Variants in SH3TC2 observed in about 807,000 individuals in gnomAD.
The protein encoded by SH3TC2 is SH3 domain and tetratricopeptide repeats 2.
Under a neutral mutation model 124.5 loss-of-function variants are expected in SH3TC2, and 87 were observed. That is an observed-to-expected ratio of 0.70 (90% confidence interval 0.59 to 0.84). The LOEUF (loss-of-function observed/expected upper bound fraction) is 0.84, where lower values mean the gene tolerates loss of function less well. Among genes scored for constraint, SH3TC2 ranks in the 40% least tolerant of loss-of-function variants. SH3TC2 has a pLI of 0.00. For missense variants in SH3TC2, 1,536 were observed against 1,566.4 expected, an observed-to-expected ratio of 0.98 and a Z score of 0.33; for synonymous variants, 634 against 628.5, an observed-to-expected ratio of 1.01 and a Z score of -0.13.
At position 149,001,729 on chromosome 5, in the gene SH3TC2, A is replaced by G. The variant is rs886060180; in HGVS notation, c.*2982T>C. On this transcript the variant is annotated 3_prime_UTR_variant, in exon 17 of 17. Transcript: ENST00000515425. ...ACCCTTGTCTTTGGAAACATGCTAA[A>G]CATTTTTATAACTGACCTGGTTATG... 7.9e-5 allele frequency: 12 copies of G among 152,232 alleles called. No homozygotes were observed. Among genetic ancestry groups the G allele is most frequent in the Non-Finnish European group, 1.6e-4 (11 of 68,044 alleles). The allele number at this position is 152,232 out of a possible 1,614,324, so 9.4% of individuals were successfully genotyped here. A position where few individuals can be genotyped will look rare whatever the true frequency, so the allele number is the denominator to read the frequency against.
rs544487653 is a variant in SH3TC2, at chr5:148,991,293, C to A, written c.*13418G>T. Among the ~76,000 whole-genome samples the A allele has an allele frequency of 1.4e-4, 22 of 152,318 alleles. No individual in the cohort carries two copies. Among genetic ancestry groups the A allele is most frequent in the Admixed American group, 9.1e-4 (14 of 15,306 alleles). On this transcript the variant is annotated 3_prime_UTR_variant, in exon 17 of 17. Transcript: ENST00000515425. Reference sequence around the variant, plus strand: ...CTTCCTGCAGCTGAAACCAGCAGGGCAAAGAAGGTGCTTTCACTAGGGTAA... The same window carrying A: ...CTTCCTGCAGCTGAAACCAGCAGGGAAAAGAAGGTGCTTTCACTAGGGTAA...
At chr5:149,050,170 C>G (rs1318229190) in intron 2 of SH3TC2, among the ~76,000 whole-genome samples, 1 of 152,130 alleles carries the variant, frequency 6.6e-6, no homozygotes, top group Non-Finnish European at 1.5e-5. Flanking sequence ...AGATCTCAAC[C>G]GTGAGAACTG....
At chr5:149,031,163 A>G (rs892602760) in intron 9 of SH3TC2, among the ~76,000 whole-genome samples, 2 of 152,142 alleles carry the variant, frequency 1.3e-5, no homozygotes, top group Non-Finnish European at 2.9e-5. Context: ...ACAAGAAATC[A>G]TCTCTTAAGG....
At position 149,044,352 on chromosome 5, in the gene SH3TC2, T is replaced by C. The variant is rs1754421615; in HGVS notation, c.385+181A>G. ...TTCTTCATACGGCATTTTAGAATAA[T>C]AGTTAATATTTGCCTTAGATTTAGT... On this transcript the variant is annotated intron_variant, in intron 4 of 16. Transcript: ENST00000515425. The C allele has an allele frequency of 5.2e-6, 3 of 580,632 alleles. No homozygotes were observed. In the East Asian group the frequency reaches 9.0e-5, roughly 17 times the overall value. 36.0% of individuals were successfully genotyped at this position (580,632 alleles called of 1,614,324 possible).
chr5:149,018,285 C>T (rs1753908980), intron 12 of SH3TC2, among the ~76,000 whole-genome samples: 1 of 152,146 alleles, frequency 6.6e-6, no homozygotes, highest in African/African-American at 2.4e-5. Context: ...CAACCCCCCG[C>T]CCCCATGCCC....
rs1191959839 is a variant in SH3TC2, at chr5:148,984,909, T to A, written c.*19802A>T. On this transcript the variant is annotated 3_prime_UTR_variant, in exon 17 of 17. Transcript: ENST00000515425. ...AAGTGAGCAATGATGCCAAAAAGCA[T>A]AATGGGTTATAGAGGTACCATTTAC... is the stretch of plus-strand genomic sequence containing the variant. 6.6e-6 allele frequency among the ~76,000 whole-genome samples: 1 copy of A among 152,174 alleles called. No individual in the cohort carries two copies. Among genetic ancestry groups the A allele is most frequent in the Non-Finnish European group, 1.5e-5 (1 of 68,028 alleles).
Position 149,026,964 on chromosome 5 carries a change from A to C in SH3TC2, c.2768T>G (p.Phe923Cys). 6.2e-7 allele frequency: 1 copy of C among 1,614,186 alleles called. No homozygotes were observed. The highest frequency in any genetic ancestry group is 8.5e-7 in the Non-Finnish European group (1 of 1,180,040). The change falls in exon 11 of 17, where the codon TTT (phenylalanine) becomes TGT (cysteine). Residue 923 changes from phenylalanine to cysteine, a missense_variant. By Grantham distance (205) the Phe-to-Cys change is radical. Coordinates refer to ENST00000515425, the MANE Select transcript of SH3TC2 (RefSeq NM_024577.4). ...CACCAGAACTTGGGCCAACCAGAGAAACACCTGTACTAATTCCATGTCTGT... is the reference window on the plus strand; with the variant it reads ...CACCAGAACTTGGGCCAACCAGAGACACACCTGTACTAATTCCATGTCTGT... ...KETDMELVQV[F>C]LWLAQVLVSG... is the part of the protein sequence containing the mutation.
At chr5:149,005,128 G>A (rs1375692993) in intron 16 of SH3TC2, among the ~76,000 whole-genome samples, 1 of 152,160 alleles carries the variant, frequency 6.6e-6, no homozygotes, top group Non-Finnish European at 1.5e-5. Context: ...AGGCACAGAG[G>A]TGGTCCCTTA....
In SH3TC2 at chr5:149,027,929, G is replaced by A. The variant is rs1754102608; in HGVS notation, c.1803C>T (p.Cys601=). The A allele has an allele frequency of 1.2e-6, 2 of 1,613,978 alleles. No individual in the cohort carries two copies. The highest frequency in any genetic ancestry group is 1.6e-4 in the Middle Eastern group (1 of 6,084). Residue 601 remains cysteine (C), a synonymous_variant, in exon 11 of 17, where the codon TGC becomes TGT. Coordinates refer to ENST00000515425, the MANE Select transcript of SH3TC2 (RefSeq NM_024577.4). ...TGGCACTAGACTCACGGTCAGGCAG[G>A]CAGGCCAGCAGGGCACCTGCCTTTT... is the stretch of plus-strand genomic sequence containing the variant. The part of the protein sequence containing the change: ...LLEKAGALLA[C]LPDRESSAKH...
rs1403171102 is a variant in SH3TC2, at chr5:149,008,976, C to G, written c.3353G>C (p.Arg1118Thr). The change falls in exon 15 of 17, where the codon AGG becomes ACG. Residue 1118 changes from arginine (R) to threonine (T), a missense_variant. By Grantham distance (71) the Arg-to-Thr change is moderately conservative (BLOSUM62 -1). Around this residue, in one of 3 missense-constraint regions of SH3TC2, gnomAD observed 426 missense variants for 443.5 expected, o/e 0.96. Transcript: ENST00000515425. ...YRAGAVPLAR[R>T]LKAVRTELRI... ...GAGCTCAGTTCTCACCGCCTTCAAC[C>G]TCCTTGCTAAAGGAACAGCTCCAGC... is the stretch of plus-strand genomic sequence containing the variant. 6.2e-7 allele frequency: 1 copy of G among 1,614,242 alleles called. No homozygotes were observed. The highest frequency in any genetic ancestry group is 2.2e-5 in the East Asian group (1 of 44,886).
At chr5:149,022,423 C>A (rs993646507) in intron 12 of SH3TC2, among the ~76,000 whole-genome samples, 6 of 152,136 alleles carry the variant, frequency 3.9e-5, no homozygotes, top group Non-Finnish European at 5.9e-5. Context: ...ACATTGGAAC[C>A]CTTATGCCTT....
intron 1 of SH3TC2, among the ~76,000 whole-genome samples, chr5:149,054,606 C>T (rs139744938): frequency 6.6e-6 from 1 of 152,274 alleles, no homozygotes; most frequent in African/African-American, 2.4e-5. Flanking sequence ...AACTGCTTGA[C>T]ATCATTTAGA....
Position 148,990,690 on chromosome 5 carries a change from A to T in SH3TC2, c.*14021T>A, listed in dbSNP as rs1322037385. ...TGTTGTGAACACAGAAAATGAAATC[A>T]TGCATTCAAAGAATTTAATCCAATG... is the stretch of plus-strand genomic sequence containing the variant. On this transcript the variant is annotated 3_prime_UTR_variant, in exon 17 of 17. Transcript: ENST00000515425. Among the ~76,000 whole-genome samples, 1 of 152,242 alleles carries T rather than the reference A, an allele frequency of 6.6e-6. No homozygotes were observed. The highest frequency in any genetic ancestry group is 2.4e-5 in the African/African-American group (1 of 41,456).
chr5:149,015,828 A>G (rs1367676810), intron 12 of SH3TC2, among the ~76,000 whole-genome samples: 2 of 152,166 alleles, frequency 1.3e-5, no homozygotes, highest in African/African-American at 4.8e-5. Context: ...GATGACAAAG[A>G]TGGCCAAAAA....
rs1156823077 is a variant in SH3TC2, at chr5:149,028,481, T to C, written c.1251A>G (p.Arg417=). 3 of 1,613,262 alleles carry C rather than the reference T, an allele frequency of 1.9e-6. No individual in the cohort carries two copies. Among genetic ancestry groups the C allele is most frequent in the South Asian group, 2.2e-5 (2 of 91,008 alleles). Residue 417 remains arginine (R), a synonymous_variant, in exon 11 of 17, where the codon AGA becomes AGG. Transcript: ENST00000515425. Reference sequence around the variant, plus strand: ...TGGAGTCCTCAGAGCTGCTGGACTGTCTGGACCCCACGGCCTGATGCTCCT... The same window carrying C: ...TGGAGTCCTCAGAGCTGCTGGACTGCCTGGACCCCACGGCCTGATGCTCCT... ...AWEEHQAVGS[R]QSSSSEDSSL...
rs1250850194 is a variant in SH3TC2 at position 149,038,427 on chromosome 5, T to C, written c.869A>G (p.Tyr290Cys). The change falls in exon 8 of 17, where the codon TAC becomes TGC. Residue 290 changes from tyrosine to cysteine, a missense_variant. By Grantham distance (194) the Tyr-to-Cys change is radical. Transcript: ENST00000515425. ...EPGEKDELNFYQGESIEIIGF... is the reference protein window; with the variant it reads ...EPGEKDELNFCQGESIEIIGF... ...GATGATCTCAATGCTTTCTCCCTGG[T>C]AGAAATTCAGTTCATCCTTTTCTCC... is the stretch of plus-strand genomic sequence containing the variant. 6.2e-7 allele frequency: 1 copy of C among 1,614,170 alleles called. No homozygotes were observed. Among genetic ancestry groups the C allele is most frequent in the African/African-American group, 1.3e-5 (1 of 75,034 alleles).
Position 149,031,576 on chromosome 5 carries a change from G to A in SH3TC2, c.1113C>T (p.Asp371=). The change falls in exon 9 of 17, where the codon GAC becomes GAT. Residue 371 remains aspartate (D), a synonymous_variant. Transcript: ENST00000515425. ...SSFLHTLART[D]ITSVYRLSGF... ...CACTGAGCCGGTAGACAGATGTGAT[G>A]TCAGTGCGAGCAAGAGTGTGGAGGA... 1.2e-6 allele frequency: 2 copies of A among 1,614,176 alleles called. No individual in the cohort carries two copies. The highest frequency in any genetic ancestry group is 8.5e-7 in the Non-Finnish European group (1 of 1,180,030).
chr5:149,029,914 C>T (rs1754154182), intron 9 of SH3TC2, among the ~76,000 whole-genome samples: 1 of 152,128 alleles, frequency 6.6e-6, no homozygotes, highest in Non-Finnish European at 1.5e-5. Context: ...TCTGTGCCAC[C>T]ACCCTGAGTT....
Position 149,026,741 on chromosome 5 carries a change from C to A in SH3TC2, c.2884G>T (p.Ala962Ser). 1 of 1,614,098 alleles carries A rather than the reference C, an allele frequency of 6.2e-7. No individual in the cohort carries two copies. The highest frequency in any genetic ancestry group is 8.5e-7 in the Non-Finnish European group (1 of 1,180,020). ...TAGAAATGGCAGAGGGATTTGGTGG[C>A]CTGAAGCTGACCTGAACACAAAGCA... ...RHRHLKSQLQATKSLCHFYSS... is the reference protein window; with the variant it reads ...RHRHLKSQLQSTKSLCHFYSS... Residue 962 changes from alanine (A) to serine (S), a missense_variant, in exon 12 of 17, where the codon GCC becomes TCC. By Grantham distance (99) the Ala-to-Ser change is moderately conservative. Around this residue, in one of 3 missense-constraint regions of SH3TC2, gnomAD observed 426 missense variants for 443.5 expected, o/e 0.96. Coordinates refer to ENST00000515425, the MANE Select transcript of SH3TC2 (RefSeq NM_024577.4).
Sources: allele counts gnomAD v4.1 joint callset (sites outside exome capture counted in the v4.1 genomes callset), GRCh38; gene constraint gnomAD v4.1.1; regional missense constraint gnomAD v4.1.1; transcripts MANE v1.5; gene names NCBI Gene and HGNC (gene_info 2026-07-23, HGNC 2026-07-21).